The following INTS4 variants were observed in gnomAD, a reference collection of about 807,000 sequenced individuals.
The protein encoded by INTS4 is integrator complex subunit 4.
INTS4 carries 70 observed loss-of-function variants against 119.5 expected under a neutral mutation model. The ratio of observed to expected loss-of-function variants is 0.59; its 90% CI spans 0.48 to 0.71. The LOEUF (loss-of-function observed/expected upper bound fraction) is 0.71. INTS4 is among the 30% of genes least tolerant of loss of function. The pLI, the probability that INTS4 is intolerant of heterozygous loss-of-function variation, is 0.00. For synonymous variants in INTS4, 316 were observed against 419.6 expected (o/e 0.75, Z 3.02); for missense variants, 867 against 1,173.2 (o/e 0.74, Z 3.81).
intron 13 of INTS4, among the ~76,000 whole-genome samples, chr11:77,922,153 G>A (rs184549971): frequency 1.4e-3 from 215 of 151,510 alleles, no homozygotes; most frequent in African/African-American, 4.5e-3. Flanking sequence ...GTTTGAACCC[G>A]GGAGGCAGAG....
rs1225195354 is a variant in INTS4, at chr11:77,978,998, T to G, written c.469A>C (p.Lys157Gln). The G allele has an allele frequency of 2.5e-6, 4 of 1,593,090 alleles. No homozygotes were observed. Among genetic ancestry groups the G allele is most frequent in the Non-Finnish European group, 2.6e-6 (3 of 1,161,256 alleles). The change falls in exon 4 of 23, where the codon AAG becomes CAG. Residue 157 changes from lysine to glutamine, a missense_variant and splice_region_variant. This residue lies in a region of INTS4 where 224 missense variants were observed against 231.8 expected (regional missense o/e 0.97). Transcript: ENST00000534064. Reference protein sequence around the residue: ...IQMRLVDVACKHLTDTSHGVR... With the variant: ...IQMRLVDVACQHLTDTSHGVR... ...CTGAATAGATTTTATACTCTTACCT[T>G]GCAGGCCACATCAACTAATCGCATT...
chr11:77,887,770 C>T (rs1013474946), intron 21 of INTS4, among the ~76,000 whole-genome samples: 5 of 152,166 alleles, frequency 3.3e-5, no homozygotes, highest in African/African-American at 9.7e-5. Context: ...CATTCTTATA[C>T]GCCAATAACA....
intron 2 of INTS4, among the ~76,000 whole-genome samples, chr11:77,990,803 A>G (rs1265878728): frequency 1.3e-5 from 2 of 152,124 alleles, no homozygotes; most frequent in African/African-American, 4.8e-5. Flanking sequence ...TGAATGGGTC[A>G]TGATTGATAT....
chr11:77,963,361 A>C (rs1855333744), intron 4 of INTS4: 2 of 388,892 alleles, frequency 5.1e-6, no homozygotes, highest in Admixed American at 3.8e-5. Context: ...TCAAAAAAAA[A>C]AAAAAAAAAA....
At chr11:77,989,885 C>T (rs926985188) in intron 2 of INTS4, among the ~76,000 whole-genome samples, 1 of 152,112 alleles carries the variant, frequency 6.6e-6, no homozygotes, top group Non-Finnish European at 1.5e-5. Flanking sequence ...GGCGAGAAAG[C>T]AAGACCCCAT....
At chr11:77,970,534 G>A (rs1225991020) in intron 4 of INTS4, among the ~76,000 whole-genome samples, 1 of 151,434 alleles carries the variant, frequency 6.6e-6, no homozygotes, top group Admixed American at 6.6e-5. Flanking sequence ...GTTTTTGAAA[G>A]CAGCTGAGCG....
chr11:77,911,081 C>T (rs973359390), intron 15 of INTS4: 36 of 1,286,964 alleles, frequency 2.8e-5, no homozygotes, highest in Non-Finnish European at 2.8e-5. Flanking sequence ...TTCCTCCCAT[C>T]TCATGCTCGG....
chr11:77,891,873 C>G (rs1952284935), intron 19 of INTS4, 33 bp from the exon 20 acceptor site: 1 of 1,610,016 alleles, frequency 6.2e-7, no homozygotes, highest in African/African-American at 1.3e-5. Flanking sequence ...CTGACTCATT[C>G]AACTGTGCAC....
At chr11:77,968,459 G>A (rs982845968) in intron 4 of INTS4, among the ~76,000 whole-genome samples, 1 of 152,134 alleles carries the variant, frequency 6.6e-6, no homozygotes, top group African/African-American at 2.4e-5. Flanking sequence ...TATAAAAACA[G>A]AATATAGAAT....
chr11:77,985,901 T>C (rs1202726773), intron 2 of INTS4, among the ~76,000 whole-genome samples: 1 of 152,146 alleles, frequency 6.6e-6, no homozygotes, highest in African/African-American at 2.4e-5. Context: ...TAAGTTCAGA[T>C]ACTAATGCCT....
At chr11:77,969,550 C>A (rs1341012401) in intron 4 of INTS4, among the ~76,000 whole-genome samples, 2 of 152,014 alleles carry the variant, frequency 1.3e-5, no homozygotes, top group Non-Finnish European at 2.9e-5. Flanking sequence ...CCTGCTAGTT[C>A]TTTTGCACAG....
At chr11:77,953,820 G>C (rs897380271) in intron 8 of INTS4, among the ~76,000 whole-genome samples, 7 of 151,986 alleles carry the variant, frequency 4.6e-5, no homozygotes, top group African/African-American at 1.7e-4. Flanking sequence ...CTGACCTCAA[G>C]TGATTTGCCC....
At chr11:77,882,797 G>A (rs116835188) in intron 22 of INTS4, among the ~76,000 whole-genome samples, 2,590 of 152,258 alleles carry the variant, frequency 0.017, 71 homozygotes, top group African/African-American at 0.058. Flanking sequence ...AAGGCCCAGC[G>A]CAGTGGCTCA....
intron 16 of INTS4, among the ~76,000 whole-genome samples, chr11:77,904,346 G>A (rs1344272384): frequency 2.0e-5 from 3 of 152,184 alleles, no homozygotes; most frequent in Admixed American, 2.0e-4. Context: ...CGTAGCCACG[G>A]TTTTTAAATT....
In INTS4 at chr11:77,979,047, C is replaced by T; in HGVS notation, c.420G>A (p.Lys140=). The T allele has an allele frequency of 6.2e-7, 1 of 1,613,296 alleles. No homozygotes were observed. ...TTTGGATAGCTTGATTCTCTGGTAG[C>T]TTAGTGCCAATTGCAAGCAAAGTAT... The part of the protein sequence containing the change: ...LLDTLLAIGT[K]LPENQAIQMR... The change falls in exon 4 of 23, where the codon AAG becomes AAA. Residue 140 remains lysine (K), a synonymous_variant. Coordinates refer to ENST00000534064, the MANE Select transcript of INTS4 (RefSeq NM_033547.4).
At chr11:77,938,555 G>A (rs1431173216) in intron 10 of INTS4, 96 bp downstream of exon 10, 7 of 1,493,808 alleles carry the variant, frequency 4.7e-6, no homozygotes, top group South Asian at 4.3e-5. Context: ...TTACTGTGAG[G>A]ACTAAATGAA....
At chr11:77,937,906 G>A (rs930080473) in intron 10 of INTS4, among the ~76,000 whole-genome samples, 18 of 152,084 alleles carry the variant, frequency 1.2e-4, no homozygotes, top group Admixed American at 7.9e-4. Context: ...GGAGTGCAGT[G>A]GCACGATCTC....
In INTS4 at chr11:77,944,548, TTA is replaced by T. The variant is rs924024663; in HGVS notation, c.919-3299_919-3298del. 2.7e-4 allele frequency among the ~76,000 whole-genome samples: 41 copies of T among 152,352 alleles called. 1 individual carries two copies. The South Asian group carries it at 3.7e-3, about 14-fold the overall frequency. ...TGCTCTTTCCTACCAGTACCAGGTA[TTA>T]TTATTCACTGATTAGCTATCCCTGG... On this transcript the variant is annotated intron_variant, in intron 8 of 22. Coordinates refer to ENST00000534064, the MANE Select transcript of INTS4 (RefSeq NM_033547.4).
At chr11:77,950,958 T>C (rs1241663855) in intron 8 of INTS4, among the ~76,000 whole-genome samples, 2 of 147,638 alleles carry the variant, frequency 1.4e-5, no homozygotes, top group African/African-American at 2.5e-5. Flanking sequence ...CACCTATGAG[T>C]GAGAACAGGC....
Sources: gnomAD v4.1 joint callset for allele counts (sites outside exome capture counted in the v4.1 genomes callset) on GRCh38, gnomAD v4.1.1 for gene constraint, gnomAD v4.1.1 regional missense constraint, MANE v1.5 for transcripts, NCBI Gene and HGNC (gene_info 2026-07-23, HGNC 2026-07-21) for gene names.